The following ADAM9 variants were observed in gnomAD, a reference collection of about 807,000 sequenced individuals.
The protein encoded by ADAM9 is ADAM metallopeptidase domain 9.
Under a neutral mutation model 108.1 loss-of-function variants are expected in ADAM9, and 54 were observed. The observed-to-expected ratio is 0.50, with a 90% CI of 0.40 to 0.63. ADAM9 has a LOEUF of 0.63. Ranked by LOEUF, ADAM9 falls within the 20% of genes least tolerant of loss-of-function variation. The probability of loss-of-function intolerance (pLI) is 0.00; values close to 1 mark genes in which losing one functional copy is unlikely to be tolerated. For missense variants in ADAM9, 830 were observed against 997.7 expected (o/e 0.83, Z 2.26); for synonymous variants, 316 against 336.0 (o/e 0.94, Z 0.65).
intron 1 of ADAM9, 152 bp downstream of exon 1, chr8:38,997,312 G>A: frequency 1.1e-6 from 1 of 887,132 alleles, no homozygotes; most frequent in East Asian, 2.7e-5. Flanking sequence ...GTGCGGACCG[G>A]GGTCGCACCC....
chr8:39,065,334 G>GT (rs1243051239), intron 14 of ADAM9, among the ~76,000 whole-genome samples: 3 of 151,232 alleles, frequency 2.0e-5, no homozygotes, highest in South Asian at 2.1e-4. Flanking sequence ...TATTCTCTGA[G>GT]TTTTTTTCCC....
intron 11 of ADAM9, among the ~76,000 whole-genome samples, chr8:39,032,336 C>T (rs1837122877): frequency 6.6e-6 from 1 of 152,280 alleles, no homozygotes; most frequent in Admixed American, 6.5e-5. Flanking sequence ...CCCAGTTGAG[C>T]TTCCCTGGCT....
At chr8:39,033,735 TCA>T (rs1837177577) in intron 11 of ADAM9, among the ~76,000 whole-genome samples, 1 of 152,112 alleles carries the variant, frequency 6.6e-6, no homozygotes, top group Non-Finnish European at 1.5e-5. Flanking sequence ...GAAATGAATC[TCA>T]GTTTCAAAGT....
intron 11 of ADAM9, among the ~76,000 whole-genome samples, chr8:39,027,984 A>G (rs1836977109): frequency 6.6e-6 from 1 of 152,176 alleles, no homozygotes; most frequent in African/African-American, 2.4e-5. Context: ...GCTACTCAGG[A>G]GGTTGAGGCA....
intron 12 of ADAM9, among the ~76,000 whole-genome samples, chr8:39,044,710 A>G (rs540678262): frequency 1.3e-5 from 2 of 152,224 alleles, no homozygotes; most frequent in Non-Finnish European, 2.9e-5. Flanking sequence ...GCCCATGCTT[A>G]TAAGTGAGAA....
At chr8:39,023,446 C>T (rs1836814606) in intron 9 of ADAM9, 121 bp downstream of exon 9, 1 of 1,079,664 alleles carries the variant, frequency 9.3e-7, no homozygotes, top group Admixed American at 2.7e-5. Flanking sequence ...ATGAGGAAAA[C>T]TTAGCTTGAT....
rs187657975 is a variant in ADAM9 at position 39,054,875 on chromosome 8, T to C, written c.1395+302T>C. On this transcript the variant is annotated intron_variant, in intron 13 of 21. Transcript: ENST00000487273. The stretch of plus-strand genomic sequence containing the variant: ...GTAGAGAATGAAAGATCCTCTATTA[T>C]TTTATACTCTTCAGGTAACCACTGT... 1.8e-4 allele frequency among the ~76,000 whole-genome samples: 27 copies of C among 152,284 alleles called. 1 individual carries two copies. The East Asian group carries it at 4.8e-3, about 27-fold the overall frequency.
intron 1 of ADAM9, among the ~76,000 whole-genome samples, chr8:39,002,858 G>A (rs1435817791): frequency 2.6e-5 from 4 of 151,412 alleles, no homozygotes; most frequent in East Asian, 1.9e-4. Flanking sequence ...TTTTTTAGAC[G>A]GAGTCTCCCT....
chr8:39,054,623 GAAAAC>G, intron 13 of ADAM9, 50 bp downstream of exon 13: 2 of 758,422 alleles, frequency 2.6e-6, no homozygotes, highest in Non-Finnish European at 3.7e-6. Context: ...AAAAAAAAAA[GAAAAC>G]CTGTGTATAT....
intron 17 of ADAM9, 59 bp from the exon 18 acceptor site, chr8:39,082,904 CTTGAG>C: frequency 6.8e-7 from 1 of 1,460,898 alleles, no homozygotes; most frequent in East Asian, 2.3e-5. Flanking sequence ...GGTTTCCATT[CTTGAG>C]TTGATGATAT....
intron 21 of ADAM9, among the ~76,000 whole-genome samples, chr8:39,102,931 A>G (rs1233420247): frequency 6.6e-6 from 1 of 152,254 alleles, no homozygotes; most frequent in Non-Finnish European, 1.5e-5. Context: ...AAGTCTTTCA[A>G]ATTACAATTG....
At chr8:39,021,735 A>AC in intron 8 of ADAM9, 21 bp downstream of exon 8, 1 of 1,595,752 alleles carries the variant, frequency 6.3e-7, no homozygotes, top group South Asian at 1.1e-5. Flanking sequence ...TTTTCTATCA[A>AC]CCAGGATGAT....
intron 1 of ADAM9, among the ~76,000 whole-genome samples, chr8:39,007,674 A>G (rs895897654): frequency 3.3e-5 from 5 of 152,232 alleles, no homozygotes; most frequent in African/African-American, 7.2e-5. Flanking sequence ...CTTTTTTAAG[A>G]AAATACATTT....
intron 3 of ADAM9, among the ~76,000 whole-genome samples, chr8:39,011,951 A>G (rs866415221): frequency 6.6e-6 from 1 of 152,348 alleles, no homozygotes; most frequent in South Asian, 2.1e-4. Flanking sequence ...ATGCATCACT[A>G]AGGGAGCAAA....
chr8:39,064,875 A>G (rs926183618), intron 14 of ADAM9, among the ~76,000 whole-genome samples: 7 of 152,202 alleles, frequency 4.6e-5, no homozygotes, highest in African/African-American at 1.4e-4. Context: ...ATTGTCTTCC[A>G]GTTTACAGAG....
Position 39,016,282 on chromosome 8 carries a change from G to A in ADAM9, c.410+88G>A, listed in dbSNP as rs58982789. On this transcript the variant is annotated intron_variant, in intron 5 of 21. Transcript: ENST00000487273. ...TCTGTCTCCAAATTAAATCATTTTG[G>A]GCACTTAGCAAAATTGGAATTTACT... 3.9e-4 allele frequency: 478 copies of A among 1,214,944 alleles called. 3 individuals carry two copies. In the African/African-American group the frequency reaches 6.1e-3, roughly 16 times the overall value. 75.3% of individuals were successfully genotyped at this position (1,214,944 alleles called of 1,614,324 possible).
intron 1 of ADAM9, 49 bp downstream of exon 1, chr8:38,997,209 G>A: frequency 6.4e-7 from 1 of 1,551,470 alleles, no homozygotes; most frequent in Non-Finnish European, 8.7e-7. Context: ...TCCTAGGGAC[G>A]GGGCGCTCGG....
chr8:39,031,937 G>A (rs1430216109), intron 11 of ADAM9, among the ~76,000 whole-genome samples: 1 of 152,188 alleles, frequency 6.6e-6, no homozygotes, highest in Non-Finnish European at 1.5e-5. Context: ...GGAGTTTGCT[G>A]GAGGTCCACT....
At chr8:39,064,972 T>C (rs28779004) in intron 14 of ADAM9, among the ~76,000 whole-genome samples, 13,046 of 152,200 alleles carry the variant, frequency 0.086, 882 homozygotes, top group African/African-American at 0.19. Context: ...AATGACCTCT[T>C]CAAGGTGATA....
Sources: allele counts gnomAD v4.1 joint callset (sites outside exome capture counted in the v4.1 genomes callset), GRCh38; gene constraint gnomAD v4.1.1; transcripts MANE v1.5; gene names NCBI Gene and HGNC (gene_info 2026-07-23, HGNC 2026-07-21).